The following DMD variants were observed in gnomAD, a reference collection of about 807,000 sequenced individuals.
DMD encodes the protein mutant dystrophin.
A neutral mutation model predicts 330.1 loss-of-function variants in DMD; 63 were observed. The ratio of observed to expected loss-of-function variants is 0.19; its 90% CI spans 0.16 to 0.24. The LOEUF is 0.24. Among genes scored for constraint, DMD ranks in the 10% least tolerant of loss-of-function variants. DMD has a pLI of 1.00. For synonymous variants in DMD, 1,223 were observed against 959.8 expected (o/e 1.27, Z -5.07); for missense variants, 3,344 against 2,684.1 (o/e 1.25, Z -5.43).
chrX:31,282,482 A>T, intron 62 of DMD, among the ~76,000 whole-genome samples: 1 of 111,338 alleles, frequency 9.0e-6, no homozygotes, highest in East Asian at 2.8e-4. Context: ...CCAATGCAAA[A>T]TGAAATGTGT....
chrX:31,502,404 T>A (rs775135804), intron 56 of DMD, among the ~76,000 whole-genome samples: 38 of 110,618 alleles, frequency 3.4e-4, no homozygotes, highest in Non-Finnish European at 6.3e-4. Context: ...AGATATTCAA[T>A]GTCCAAGTTG....
intron 53 of DMD, among the ~76,000 whole-genome samples, chrX:31,659,394 A>C (rs1479453400): frequency 9.0e-6 from 1 of 110,823 alleles, no homozygotes; most frequent in African/African-American, 3.3e-5. Flanking sequence ...TAATCCCAGC[A>C]CTTAGGGAGG....
intron 47 of DMD, among the ~76,000 whole-genome samples, chrX:31,922,696 A>G (rs1419135321): frequency 1.8e-5 from 2 of 111,635 alleles, no homozygotes; most frequent in Non-Finnish European, 3.8e-5. Flanking sequence ...ATTTGGTCAT[A>G]AAAGTCTTCT....
intron 53 of DMD, among the ~76,000 whole-genome samples, chrX:31,676,930 T>G (rs1173757294): frequency 4.5e-5 from 5 of 112,007 alleles, no homozygotes; most frequent in African/African-American, 1.6e-4. Flanking sequence ...CATCTTTATC[T>G]GTATCGGGAA....
intron 7 of DMD, among the ~76,000 whole-genome samples, chrX:32,795,158 C>G (rs375634037): frequency 2.7e-5 from 3 of 111,458 alleles, no homozygotes; most frequent in African/African-American, 9.9e-5. Flanking sequence ...AAAATTTGTA[C>G]GATCAAAGAC....
chrX:31,123,266 A>G (rs768993079), intron 78 of DMD, among the ~76,000 whole-genome samples: 1 of 111,876 alleles, frequency 8.9e-6, no homozygotes, highest in Non-Finnish European at 1.9e-5. Context: ...TATTAAGGTG[A>G]CCAAGTTTGT....
At chrX:31,436,988 T>C (rs1445492771) in intron 60 of DMD, among the ~76,000 whole-genome samples, 1 of 111,958 alleles carries the variant, frequency 8.9e-6, no homozygotes, top group African/African-American at 3.2e-5. Context: ...TCAGACTAGA[T>C]ATTATAGTTG....
intron 15 of DMD, among the ~76,000 whole-genome samples, chrX:32,568,406 G>A (rs1175903677): frequency 9.2e-6 from 1 of 108,825 alleles, no homozygotes; most frequent in Non-Finnish European, 1.9e-5. Context: ...GACTCAGGAA[G>A]CTGAGGCAAG....
Position 32,645,019 on chromosome X carries a change from T to C in DMD, c.1094A>G (p.Gln365Arg), listed in dbSNP as rs1216968523. Residue 365 changes from glutamine to arginine, a missense_variant, in exon 10 of 79, where the codon CAA becomes CGA. Physicochemically the swap from Gln to Arg is conservative, Grantham distance 43. Transcript: ENST00000357033. ...TTCCACATCATTAGAAATCTCTCCT[T>C]GTGCTTGCAATGTGTCCTCAGCAGA... ...LLSAEDTLQA[Q>R]GEISNDVEVV... 3.3e-6 allele frequency: 4 copies of C among 1,209,943 alleles called. No homozygotes were observed. In the African/African-American group the frequency reaches 5.2e-5, roughly 16 times the overall value.
At chrX:32,675,726 C>G (rs890685386) in intron 9 of DMD, among the ~76,000 whole-genome samples, 1 of 111,565 alleles carries the variant, frequency 9.0e-6, no homozygotes, top group African/African-American at 3.3e-5. Flanking sequence ...ATGTGCATAA[C>G]TGTGCACAGA....
intron 43 of DMD, among the ~76,000 whole-genome samples, chrX:32,264,333 G>A (rs1181738604): frequency 4.5e-5 from 5 of 111,779 alleles, no homozygotes; most frequent in Non-Finnish European, 9.4e-5. Context: ...ATTAAACCTC[G>A]TTCCTTTATA....
chrX:31,161,865 A>T (rs2038853084), intron 74 of DMD, among the ~76,000 whole-genome samples: 1 of 111,238 alleles, frequency 9.0e-6, no homozygotes, highest in Admixed American at 9.6e-5. Flanking sequence ...AAAGTCCTTT[A>T]AACAGTAGTC....
intron 2 of DMD, among the ~76,000 whole-genome samples, chrX:32,913,748 G>C (rs963374845): frequency 8.9e-6 from 1 of 111,953 alleles, no homozygotes; most frequent in African/African-American, 3.2e-5. Context: ...CAAAGTTATA[G>C]AAACTCACTC....
chrX:32,565,745 C>A lies in DMD; in HGVS notation c.1949G>T (p.Cys650Phe), dbSNP rs2149094726. The A allele has an allele frequency of 1.7e-6, 2 of 1,211,779 alleles. No individual in the cohort carries two copies. Among genetic ancestry groups the A allele is most frequent in the East Asian group, 3.0e-5 (1 of 33,842 alleles). The stretch of plus-strand genomic sequence containing the variant: ...AAGTTTTTGGACTAAATTATCCCAA[C>A]ACCGGGCAAAGTTATCCAGCCATGC... ...TEAWLDNFAR[C>F]WDNLVQKLEK... Residue 650 changes from cysteine to phenylalanine, a missense_variant, in exon 16 of 79, where the codon TGT becomes TTT. By Grantham distance (205) the Cys-to-Phe change is radical. Coordinates refer to ENST00000357033, the MANE Select transcript of DMD (RefSeq NM_004006.3).
intron 60 of DMD, among the ~76,000 whole-genome samples, chrX:31,380,189 T>C (rs1179236283): frequency 1.8e-5 from 2 of 110,636 alleles, no homozygotes; most frequent in Non-Finnish European, 3.8e-5. Flanking sequence ...ACTCCCAAAC[T>C]CTGGTGCCAA....
At chrX:32,822,339 C>G (rs1051657344) in intron 5 of DMD, among the ~76,000 whole-genome samples, 3 of 109,991 alleles carry the variant, frequency 2.7e-5, no homozygotes, top group African/African-American at 9.9e-5. Context: ...AGATGGTAAC[C>G]GTGGAAGTTT....
intron 52 of DMD, among the ~76,000 whole-genome samples, chrX:31,698,666 A>G (rs1238617424): frequency 8.9e-6 from 1 of 112,481 alleles, no homozygotes; most frequent in Non-Finnish European, 1.9e-5. Context: ...AGAGGAAGAA[A>G]CATATATGCT....
intron 17 of DMD, among the ~76,000 whole-genome samples, chrX:32,523,956 G>A (rs60440581): frequency 0.01 from 990 of 98,834 alleles, 15 homozygotes; most frequent in African/African-American, 0.035. Context: ...TTTTTGAGAC[G>A]GAGTCTTGCT....
chrX:31,765,532 A>T (rs1451525700), intron 51 of DMD, among the ~76,000 whole-genome samples: 1 of 112,023 alleles, frequency 8.9e-6, no homozygotes, highest in Non-Finnish European at 1.9e-5. Flanking sequence ...TTTCTAAAGA[A>T]TCTTTATGAC....
Sources: allele counts gnomAD v4.1 joint callset (sites outside exome capture counted in the v4.1 genomes callset), GRCh38; gene constraint gnomAD v4.1.1; transcripts MANE v1.5; gene names NCBI Gene and HGNC (gene_info 2026-07-23, HGNC 2026-07-21).